The following ABR variants were observed in gnomAD, a reference collection of about 807,000 sequenced individuals.
ABR encodes the protein active breakpoint cluster region-related protein.
In ABR, 35 loss-of-function variants were observed where a neutral mutation model predicts 107.2. That is an observed-to-expected ratio of 0.33 (90% confidence interval 0.25 to 0.43). The LOEUF is 0.43. Among genes scored for constraint, ABR ranks in the 20% least tolerant of loss-of-function variants. ABR has a pLI of 1.00. For missense variants in ABR, 815 were observed against 1,115.2 expected (o/e 0.73, Z 3.83); for synonymous variants, 498 against 462.0 (o/e 1.08, Z -1.00).
chr17:1,229,454 C>A (rs939179245), exon 1 of ABR, among the ~76,000 whole-genome samples: 2 of 151,686 alleles, frequency 1.3e-5, no homozygotes, highest in African/African-American at 4.8e-5. Context: ...GCGCGGCCTG[C>A]GGGAGCGAGG....
chr17:1,028,060 G>A (rs371715541), intron 16 of ABR, among the ~76,000 whole-genome samples: 45 of 151,930 alleles, frequency 3.0e-4, no homozygotes, highest in African/African-American at 9.7e-4. Context: ...GTTGTCCTGC[G>A]GTGGCGATCA....
rs555951382 is a variant in ABR, at chr17:1,078,099, A to C, written c.700+1231T>G. 2.0e-3 allele frequency among the ~76,000 whole-genome samples: 296 copies of C among 149,892 alleles called. No individual in the cohort carries two copies. Among genetic ancestry groups the C allele is most frequent in the African/African-American group, 6.9e-3 (278 of 40,332 alleles). ...GGATGGTCCGGGTCCCTTCCACCGA[A>C]AGGTGGTGTGTGTGTGTGTGTGTGT... On this transcript the variant is annotated intron_variant, in intron 6 of 22. Transcript: ENST00000302538. This position sits in a 1 kb window ranked among gnomAD's most constrained non-coding sequence, Gnocchi z 7.5.
intron 8 of ABR, among the ~76,000 whole-genome samples, 172 bp downstream of exon 8, chr17:1,072,442 G>A (rs1367792699): frequency 1.1e-5 from 1 of 89,590 alleles, no homozygotes; most frequent in Non-Finnish European, 2.3e-5. Flanking sequence ...CCGTGTGTGA[G>A]AGAAGGGGAC....
In ABR at chr17:1,050,786, C is replaced by T. The variant is rs2032398018; in HGVS notation, c.1562-152G>A. 3.0e-6 allele frequency: 2 copies of T among 673,486 alleles called. No homozygotes were observed. The highest frequency in any genetic ancestry group is 3.4e-5 in the South Asian group (2 of 58,112). The allele number at this position is 673,486 out of a possible 1,614,324, so 41.7% of individuals were successfully genotyped here. On this transcript the variant is annotated intron_variant, in intron 14 of 22. Coordinates refer to ENST00000302538, the MANE Select transcript of ABR (RefSeq NM_021962.5). The surrounding 1 kb of genome is among the most constrained non-coding windows in gnomAD (Gnocchi z 4.6). ...CTCTCTCCTCCCTGAAGCCCGGGAC[C>T]ATCTGGCTTCTCCCCTGCCCCCTTC...
At chr17:1,191,592 G>T (rs185937708), upstream of ABR, among the ~76,000 whole-genome samples, 450 of 152,068 alleles carry the variant, frequency 3.0e-3, 2 homozygotes, top group African/African-American at 0.01. Flanking sequence ...CTGACCTCAG[G>T]TGATCCACCT....
intron 16 of ABR, among the ~76,000 whole-genome samples, chr17:1,035,074 A>T (rs1396019649): frequency 6.6e-6 from 1 of 151,686 alleles, no homozygotes; most frequent in Non-Finnish European, 1.5e-5. Flanking sequence ...CTTCCTCCCT[A>T]TGGACTGGGG....
chr17:1,012,764 G>T lies in ABR; in HGVS notation c.1885C>A (p.Arg629=), dbSNP rs776303770. The T allele has an allele frequency of 8.1e-6, 13 of 1,595,180 alleles. No individual in the cohort carries two copies. Among genetic ancestry groups the T allele is most frequent in the East Asian group, 2.3e-5 (1 of 44,398 alleles). The stretch of plus-strand genomic sequence containing the variant: ...GGGGTCCTCTTCAGGCTCATATCTC[G>T]GCTGGTGAATTTCATGGAAAATTCC... ...KVEFSMKFTS[R]DMSLKRTPSK... is the part of the protein sequence containing the mutation. Residue 629 remains arginine (R), a synonymous_variant, in exon 18 of 23, where the codon CGA becomes AGA. Coordinates refer to ENST00000302538, the MANE Select transcript of ABR (RefSeq NM_021962.5).
chr17:1,153,483 CACCTACGGGAGGGCTGGGGGT>C (rs2040894612), intron 1 of ABR, among the ~76,000 whole-genome samples: 1 of 128,306 alleles, frequency 7.8e-6, no homozygotes, highest in African/African-American at 3.3e-5. Context: ...GGTCCAGGCA[CACCTACGGGAGGGCTGGGGGT>C]CCAGGCACAC....
At chr17:1,065,632 G>C (rs1202290698) in intron 10 of ABR, among the ~76,000 whole-genome samples, 1 of 152,080 alleles carries the variant, frequency 6.6e-6, no homozygotes, top group African/African-American at 2.4e-5. Flanking sequence ...GCATCCATGG[G>C]TACTGGTATG....
At chr17:1,096,952 A>G (rs1288746744) in intron 3 of ABR, among the ~76,000 whole-genome samples, 3 of 85,364 alleles carry the variant, frequency 3.5e-5, no homozygotes, top group Non-Finnish European at 4.8e-5. Flanking sequence ...CTGCCCGGGG[A>G]GGAGAGAGCC....
chr17:1,087,580 C>G (rs544971211), intron 4 of ABR, among the ~76,000 whole-genome samples: 9 of 151,834 alleles, frequency 5.9e-5, no homozygotes, highest in Admixed American at 2.0e-4. Context: ...TGGGGCCTGA[C>G]CTTAAAAGGG....
chr17:1,109,158 G>GC lies in ABR; in HGVS notation c.247-8424_247-8423insG. On this transcript the variant is annotated intron_variant, in intron 2 of 22. Transcript: ENST00000302538. ...AGGAGGGAGGAGGCGGGCGGGAGGGGGGGCAGGTCTACACCCGCGCGCCCG... is the reference window on the plus strand; with the variant it reads ...AGGAGGGAGGAGGCGGGCGGGAGGGGCGGGCAGGTCTACACCCGCGCGCCCG... 10 of 1,381,506 alleles carry GC rather than the reference G, an allele frequency of 7.2e-6. No homozygotes were observed. The East Asian group carries it at 1.1e-4, about 16-fold the overall frequency. The allele number at this position is 1,381,506 out of a possible 1,614,324, so 85.6% of individuals were successfully genotyped here.
chr17:1,093,426 G>A (rs934672548), intron 3 of ABR, among the ~76,000 whole-genome samples: 2 of 152,122 alleles, frequency 1.3e-5, no homozygotes, highest in East Asian at 2.0e-4. Flanking sequence ...CCAAGATTGC[G>A]CCACTGCACT....
In ABR at chr17:1,027,931, A is replaced by T. The variant is rs1163961738; in HGVS notation, c.1792-14767T>A. On this transcript the variant is annotated intron_variant, in intron 16 of 22. Transcript: ENST00000302538. The surrounding 1 kb of genome is among the most constrained non-coding windows in gnomAD (Gnocchi z 4.7). ...CAAGACATATCTGTATCTTGTACCC[A>T]GCACCTGTGTACCCTCGATGGCCAA... Among the ~76,000 whole-genome samples, 1 of 152,074 alleles carries T rather than the reference A, an allele frequency of 6.6e-6. No homozygotes were observed. The highest frequency in any genetic ancestry group is 1.5e-5 in the Non-Finnish European group (1 of 68,028).
chr17:1,058,838 G>C lies in ABR; in HGVS notation c.1212C>G (p.Ile404Met), dbSNP rs370160445. 4 of 1,614,148 alleles carry C rather than the reference G, an allele frequency of 2.5e-6. No homozygotes were observed. The highest frequency in any genetic ancestry group is 3.4e-6 in the Non-Finnish European group (4 of 1,180,030). ...EKANKGQSRA[I>M]ERLKKKMFEN... Reference sequence around the variant, plus strand: ...CAAACATCTTCTTCTTCAGGCGCTCGATGGCCCGGCTCTGGCCTTTGTTGG... The same window carrying C: ...CAAACATCTTCTTCTTCAGGCGCTCCATGGCCCGGCTCTGGCCTTTGTTGG... The change falls in exon 11 of 23, where the codon ATC (isoleucine) becomes ATG (methionine). Residue 404 changes from isoleucine to methionine, a missense_variant. By Grantham distance (10) the Ile-to-Met change is conservative (BLOSUM62 1). Around this residue, in one of 5 missense-constraint regions of ABR, gnomAD observed 385 missense variants for 596.9 expected, o/e 0.64. Transcript: ENST00000302538.
chr17:1,228,067 C>T (rs2043255477), intron 1 of ABR: 2 of 152,210 alleles, frequency 1.3e-5, no homozygotes, highest in African/African-American at 4.8e-5. Context: ...TTCTGAGCTT[C>T]GGTTTCCTCT....
Position 1,010,771 on chromosome 17 carries a change from G to A in ABR, c.2194C>T (p.Leu732Phe), listed in dbSNP as rs1331364351. 5 of 1,613,778 alleles carry A rather than the reference G, an allele frequency of 3.1e-6. No homozygotes were observed. The highest frequency in any genetic ancestry group is 4.2e-6 in the Non-Finnish European group (5 of 1,180,018). Residue 732 changes from leucine (L) to phenylalanine (F), a missense_variant, in exon 20 of 23, where the codon CTC (leucine) becomes TTC (phenylalanine). By Grantham distance (22) the Leu-to-Phe change is conservative. Coordinates refer to ENST00000302538, the MANE Select transcript of ABR (RefSeq NM_021962.5). This position sits in a 1 kb window ranked among gnomAD's most constrained non-coding sequence, Gnocchi z 4.1. ...KLYFRELPEP[L>F]LTDRLYPAFM... ...GCTGGGTAGAGTCGGTCCGTGAGGA[G>A]CGGCTCGGGCAGTTCCCGGAAGTAC...
At chr17:1,057,365 T>G (rs1336158676) in intron 12 of ABR, among the ~76,000 whole-genome samples, 2 of 127,120 alleles carry the variant, frequency 1.6e-5, no homozygotes, top group African/African-American at 2.8e-5. Flanking sequence ...TGTGTGTGTG[T>G]GGTGTATGCG....
In ABR at chr17:1,201,924, G is replaced by A. The variant is rs1365322360; in HGVS notation, c.838+26869C>T. 3.9e-5 allele frequency among the ~76,000 whole-genome samples: 6 copies of A among 152,112 alleles called. No homozygotes were observed. In the East Asian group the frequency reaches 5.8e-4, roughly 15 times the overall value. ...GATCTCCTGACCTCGTGATCCGCCC[G>A]CGTCGGCCTCCCAAAGTGCTGGGAT... On this transcript the variant is annotated intron_variant, in intron 1 of 22. Coordinates refer to the ABR transcript ENST00000574139.
Sources: gnomAD v4.1 joint callset for allele counts (sites outside exome capture counted in the v4.1 genomes callset) on GRCh38, gnomAD v4.1.1 for gene constraint, gnomAD v4.1.1 regional missense constraint, Gnocchi (gnomAD v3.1) non-coding constraint, MANE v1.5 for transcripts, NCBI Gene and HGNC (gene_info 2026-07-23, HGNC 2026-07-21) for gene names.